CALN1: variants seen among roughly 807,000 people sequenced by gnomAD.
CALN1 encodes calcium-binding protein 8.
CALN1 carries 17 observed loss-of-function variants against 30.6 expected under a neutral mutation model. The observed-to-expected ratio is 0.56, with a 90% confidence interval of 0.38 to 0.83. The LOEUF (loss-of-function observed/expected upper bound fraction) is 0.83, where lower values mean the gene tolerates loss of function less well. Among genes scored for constraint, CALN1 ranks in the 40% least tolerant of loss-of-function variants. The pLI is 0.00. For synonymous variants in CALN1, 156 were observed against 131.4 expected, an observed-to-expected ratio of 1.19 and a Z score of -1.28; for missense variants, 291 against 354.9, an observed-to-expected ratio of 0.82 and a Z score of 1.45.
At chr7:71,857,668 T>C (rs1049646464) in intron 5 of CALN1, among the ~76,000 whole-genome samples, 3 of 152,216 alleles carry the variant, frequency 2.0e-5, no homozygotes, top group African/African-American at 7.2e-5. Flanking sequence ...GAGGTGGCAC[T>C]GGCCAATCAC....
intron 4 of CALN1, among the ~76,000 whole-genome samples, chr7:72,051,307 A>G (rs1359285214): frequency 6.6e-6 from 1 of 152,084 alleles, no homozygotes; most frequent in Non-Finnish European, 1.5e-5. Flanking sequence ...TACAGAAGAG[A>G]TAAAAATTAT....
chr7:71,856,552 G>A (rs1490056562), intron 5 of CALN1, among the ~76,000 whole-genome samples: 2 of 152,090 alleles, frequency 1.3e-5, no homozygotes, highest in East Asian at 3.9e-4. Flanking sequence ...TCTAGATGTG[G>A]AGGTAAAACA....
chr7:71,831,244 G>A (rs969685263), intron 5 of CALN1, among the ~76,000 whole-genome samples: 1 of 152,152 alleles, frequency 6.6e-6, no homozygotes, highest in Non-Finnish European at 1.5e-5. Flanking sequence ...ATTTTGGAAG[G>A]CCGAGGCAGG....
intron 2 of CALN1, among the ~76,000 whole-genome samples, chr7:72,369,355 T>TTTA (rs138922181): frequency 7.2e-4 from 15 of 20,872 alleles, no homozygotes; most frequent in South Asian, 3.4e-3. Context: ...TAAATATTTA[T>TTTA]TTTTTTGTTG....
the CALN1 span, among the ~76,000 whole-genome samples, chr7:72,468,721 C>T: frequency 6.6e-6 from 1 of 152,118 alleles, no homozygotes; most frequent in Non-Finnish European, 1.5e-5. Flanking sequence ...ACATTCTTGC[C>T]AACACTTAAA....
chr7:71,832,802 C>T (rs1040400666), intron 5 of CALN1, among the ~76,000 whole-genome samples: 4 of 146,220 alleles, frequency 2.7e-5, no homozygotes, highest in Non-Finnish European at 6.0e-5. Context: ...GAAGGGGTTT[C>T]GCCATCTTGG....
At position 72,023,668 on chromosome 7, in the gene CALN1, T is replaced by C. The variant is rs1800861882; in HGVS notation, c.490A>G (p.Ile164Val). ...ATATTCTTACTCACCTGCCAGAATA[T>C]GCTGTCTATCGTGTTCCCAAGAAAA... ...DGFLGNTIDS[I>V]FWQFDMQRIT... Residue 164 changes from isoleucine (I) to valine (V), a missense_variant, in exon 5 of 7, where the codon ATA becomes GTA. Physicochemically the swap from Ile to Val is conservative, Grantham distance 29. Transcript: ENST00000395275. 1 of 1,613,320 alleles carries C rather than the reference T, an allele frequency of 6.2e-7. No individual in the cohort carries two copies. Among genetic ancestry groups the C allele is most frequent in the Non-Finnish European group, 8.5e-7 (1 of 1,179,448 alleles).
rs190704002 is a variant in CALN1 at position 72,152,241 on chromosome 7, T to C, written c.245-45947A>G. On this transcript the variant is annotated intron_variant, in intron 3 of 6. Coordinates refer to ENST00000395275, the MANE Select transcript of CALN1 (RefSeq NM_031468.4). ...TTCCAAACCCAAAGCTATGAAGAGA[T>C]TTCATAGGTCTCTGCCTCCCCTATG... Among the ~76,000 whole-genome samples, 288 of 152,144 alleles carry C rather than the reference T, an allele frequency of 1.9e-3. 1 individual carries two copies. Among genetic ancestry groups the C allele is most frequent in the Non-Finnish European group, 1.9e-3 (127 of 68,004 alleles).
In CALN1 at chr7:72,070,198, A is replaced by G. The variant is rs80262361; in HGVS notation, c.388+35953T>C. Among the ~76,000 whole-genome samples, 838 of 152,356 alleles carry G rather than the reference A, an allele frequency of 5.5e-3. 4 individuals are homozygous for G. Among genetic ancestry groups the G allele is most frequent in the African/African-American group, 0.018 (753 of 41,580 alleles). ...ACTATAACAACACATATGAAAAGGG[A>G]GGGCAGAGGAAGGTGAAATGCCTTT... On this transcript the variant is annotated intron_variant, in intron 4 of 6. Transcript: ENST00000395275.
At chr7:71,796,556 C>T (rs1039937849) in intron 6 of CALN1, among the ~76,000 whole-genome samples, 16 of 151,860 alleles carry the variant, frequency 1.1e-4, no homozygotes, top group East Asian at 1.9e-4. Context: ...AGATGGGTTC[C>T]ACTACGTTGG....
chr7:72,039,845 C>T (rs991702027), intron 4 of CALN1, among the ~76,000 whole-genome samples: 1 of 152,102 alleles, frequency 6.6e-6, no homozygotes, highest in African/African-American at 2.4e-5. Flanking sequence ...TCCTGAAGAC[C>T]CCCCCAAGCA....
chr7:72,044,299 T>C (rs1003909975), intron 4 of CALN1, among the ~76,000 whole-genome samples: 6 of 152,132 alleles, frequency 3.9e-5, no homozygotes, highest in Non-Finnish European at 8.8e-5. Flanking sequence ...TCTGGTCATG[T>C]TTCTCATCTA....
chr7:71,951,823 G>A (rs1014085200), intron 5 of CALN1, among the ~76,000 whole-genome samples: 2 of 152,148 alleles, frequency 1.3e-5, no homozygotes, highest in East Asian at 3.9e-4. Context: ...CCTGAGCCAG[G>A]ATTTGAAATC....
At chr7:72,169,514 A>C in intron 3 of CALN1, among the ~76,000 whole-genome samples, 1 of 145,110 alleles carries the variant, frequency 6.9e-6, no homozygotes, top group Non-Finnish European at 1.5e-5. Context: ...TCAGATACAG[A>C]ATCTTTCTAT....
At chr7:72,209,326 C>CTCCTTCCCTCTTTCCT (rs1792185771) in intron 3 of CALN1, among the ~76,000 whole-genome samples, 1 of 3,926 alleles carries the variant, frequency 2.5e-4, no homozygotes, top group Non-Finnish European at 3.9e-4. Flanking sequence ...CCCTCCTTCC[C>CTCCTTCCCTCTTTCCT]TCTTTCCTTC....
chr7:72,416,144 A>G (rs563374914), upstream of CALN1, among the ~76,000 whole-genome samples: 1 of 152,292 alleles, frequency 6.6e-6, no homozygotes, highest in African/African-American at 2.4e-5. Flanking sequence ...GAGGCCCTGG[A>G]AGCACCTCTC....
intron 5 of CALN1, among the ~76,000 whole-genome samples, chr7:71,878,612 G>T (rs1290431005): frequency 6.6e-6 from 1 of 152,062 alleles, no homozygotes; most frequent in Non-Finnish European, 1.5e-5. Flanking sequence ...AAATGGAAGT[G>T]GATTTTACCT....
At chr7:72,221,431 C>T (rs545164801) in intron 3 of CALN1, among the ~76,000 whole-genome samples, 2 of 151,244 alleles carry the variant, frequency 1.3e-5, no homozygotes, top group South Asian at 2.1e-4. Flanking sequence ...AACTCTCCTG[C>T]CTCAGCCTCC....
chr7:72,443,553 G>A (rs1376253205), intron 1 of CALN1, among the ~76,000 whole-genome samples: 5 of 152,072 alleles, frequency 3.3e-5, no homozygotes, highest in Admixed American at 2.6e-4. Flanking sequence ...TGCTTTGCAT[G>A]TGTAATTTCT....
Sources: allele counts gnomAD v4.1 joint callset (sites outside exome capture counted in the v4.1 genomes callset), GRCh38; gene constraint gnomAD v4.1.1; transcripts MANE v1.5; gene names NCBI Gene and HGNC (gene_info 2026-07-23, HGNC 2026-07-21).